The following PRKAR2B variants were observed in gnomAD, a reference collection of about 807,000 sequenced individuals.
PRKAR2B encodes the protein cAMP-dependent protein kinase type II-beta regulatory subunit.
In PRKAR2B, 14 loss-of-function variants were observed where a neutral mutation model predicts 49.9. The observed-to-expected ratio is 0.28, with a 90% CI of 0.19 to 0.44. The LOEUF (loss-of-function observed/expected upper bound fraction) is 0.44, where lower values mean the gene tolerates loss of function less well. Ranked by LOEUF, PRKAR2B falls within the 20% of genes least tolerant of loss-of-function variation. The pLI, the probability that PRKAR2B is intolerant of heterozygous loss-of-function variation, is 1.00. For synonymous variants in PRKAR2B, 196 were observed against 197.7 expected (o/e 0.99, Z 0.07); for missense variants, 393 against 537.9 (o/e 0.73, Z 2.67).
At position 107,149,758 on chromosome 7, in the gene PRKAR2B, T is replaced by C. The variant is rs186002446; in HGVS notation, c.742-1164T>C. ...CTAGTTCATTTAAATTCAGCCTTATTATGTTGGCATAAGAAAGAATGAATA... is the reference window on the plus strand; with the variant it reads ...CTAGTTCATTTAAATTCAGCCTTATCATGTTGGCATAAGAAAGAATGAATA... On this transcript the variant is annotated intron_variant, in intron 6 of 10. Transcript: ENST00000265717. Among the ~76,000 whole-genome samples the C allele has an allele frequency of 8.3e-3, 1,259 of 152,270 alleles. 24 individuals are homozygous for C. The highest frequency in any genetic ancestry group is 0.027 in the African/African-American group (1,142 of 41,544).
intron 4 of PRKAR2B, among the ~76,000 whole-genome samples, chr7:107,137,590 A>C (rs150469409): frequency 6.6e-6 from 1 of 152,212 alleles, no homozygotes; most frequent in Non-Finnish European, 1.5e-5. Flanking sequence ...GTGGAAGATC[A>C]TGCATATCTA....
chr7:107,105,655 C>T (rs1219940626), intron 2 of PRKAR2B, among the ~76,000 whole-genome samples: 2 of 152,150 alleles, frequency 1.3e-5, no homozygotes, highest in African/African-American at 4.8e-5. Context: ...AACCTTGGGG[C>T]CTATCAGTCC....
At chr7:107,117,210 A>G (rs1299971679) in intron 2 of PRKAR2B, among the ~76,000 whole-genome samples, 4 of 152,108 alleles carry the variant, frequency 2.6e-5, no homozygotes, top group Non-Finnish European at 4.4e-5. Flanking sequence ...CATGCCTTCA[A>G]CTAATATTTG....
chr7:107,073,279 C>T (rs1049616713), intron 2 of PRKAR2B, among the ~76,000 whole-genome samples: 11 of 152,064 alleles, frequency 7.2e-5, no homozygotes, highest in Admixed American at 3.9e-4. Context: ...TATTTTTACA[C>T]TTTTAAGAAC....
chr7:107,070,371 A>C, intron 2 of PRKAR2B, 55 bp downstream of exon 2: 1 of 1,418,308 alleles, frequency 7.1e-7, no homozygotes, highest in East Asian at 2.3e-5. Context: ...TTAAAAAATG[A>C]TAATATTGGA....
chr7:107,137,833 ATCC>A (rs771103047), intron 4 of PRKAR2B, among the ~76,000 whole-genome samples: 7 of 151,986 alleles, frequency 4.6e-5, no homozygotes, highest in East Asian at 1.9e-4. Flanking sequence ...GTTTTTAAGA[ATCC>A]TCCTTTCTCT....
At position 107,125,306 on chromosome 7, in the gene PRKAR2B, T is replaced by G. The variant is rs570821904; in HGVS notation, c.397-2906T>G. 1.1e-4 allele frequency among the ~76,000 whole-genome samples: 16 copies of G among 152,350 alleles called. No individual in the cohort carries two copies. In the East Asian group the frequency reaches 2.7e-3, roughly 26 times the overall value. On this transcript the variant is annotated intron_variant, in intron 3 of 10. Coordinates refer to ENST00000265717, the MANE Select transcript of PRKAR2B (RefSeq NM_002736.3). ...TTCCTTAACTCTAAATTTCTTAACCTGCTTCATGGGATCTGTCACTAGGAT... is the reference window on the plus strand; with the variant it reads ...TTCCTTAACTCTAAATTTCTTAACCGGCTTCATGGGATCTGTCACTAGGAT...
chr7:107,044,997 G>A lies in PRKAR2B; in HGVS notation c.90G>A (p.Glu30=). Residue 30 remains glutamate, a synonymous_variant, in exon 1 of 11, where the codon GAG becomes GAA. Coordinates refer to ENST00000265717, the MANE Select transcript of PRKAR2B (RefSeq NM_002736.3). ...VLRHQPADLL[E]FALQHFTRLQ... ...GGCACCAGCCCGCGGACCTGCTGGA[G>A]TTCGCGCTGCAGCACTTCACCCGCC... is the stretch of plus-strand genomic sequence containing the variant. 1 of 1,557,296 alleles carries A rather than the reference G, an allele frequency of 6.4e-7. No homozygotes were observed. Among genetic ancestry groups the A allele is most frequent in the Non-Finnish European group, 8.7e-7 (1 of 1,153,404 alleles).
At chr7:107,147,124 C>A (rs1487029926) in intron 6 of PRKAR2B, among the ~76,000 whole-genome samples, 1 of 151,964 alleles carries the variant, frequency 6.6e-6, no homozygotes, top group Non-Finnish European at 1.5e-5. Flanking sequence ...GAGATCGAGA[C>A]CACGGTGAAA....
intron 3 of PRKAR2B, among the ~76,000 whole-genome samples, chr7:107,127,391 A>G (rs185917293): frequency 6.6e-6 from 1 of 152,342 alleles, no homozygotes; most frequent in African/African-American, 2.4e-5. Flanking sequence ...CATGTTCACA[A>G]AAGAGTGGAC....
chr7:107,080,239 C>G (rs1245728777), intron 2 of PRKAR2B, among the ~76,000 whole-genome samples: 2 of 152,108 alleles, frequency 1.3e-5, no homozygotes, highest in African/African-American at 2.4e-5. Flanking sequence ...CGTGCCCTCA[C>G]TATCTTTCAG....
chr7:107,070,129 C>A, intron 1 of PRKAR2B, 152 bp from the exon 2 acceptor site: 1 of 498,586 alleles, frequency 2.0e-6, no homozygotes, highest in Non-Finnish European at 3.5e-6. Context: ...TGAATTTCAG[C>A]ATTTAATTTT....
At chr7:107,110,030 G>C (rs956735468) in intron 2 of PRKAR2B, among the ~76,000 whole-genome samples, 8 of 152,144 alleles carry the variant, frequency 5.3e-5, no homozygotes, top group African/African-American at 1.7e-4. Flanking sequence ...AGACAGTCTT[G>C]GGTTACCAGC....
chr7:107,092,689 A>C (rs912774826), intron 2 of PRKAR2B, among the ~76,000 whole-genome samples: 5 of 152,060 alleles, frequency 3.3e-5, no homozygotes, highest in Non-Finnish European at 5.9e-5. Context: ...AAATTTAAAA[A>C]ATTTATCTAT....
At chr7:107,103,272 CT>C in intron 2 of PRKAR2B, among the ~76,000 whole-genome samples, 1 of 152,118 alleles carries the variant, frequency 6.6e-6, no homozygotes, top group South Asian at 2.1e-4. Flanking sequence ...AACTGAGAAC[CT>C]TATTTCTAAT....
intron 6 of PRKAR2B, among the ~76,000 whole-genome samples, chr7:107,147,517 G>T (rs959777314): frequency 6.6e-6 from 1 of 152,194 alleles, no homozygotes; most frequent in African/African-American, 2.4e-5. Flanking sequence ...CCTTCTGGAG[G>T]ATTGTATTTA....
At chr7:107,109,387 G>A (rs376103762) in intron 2 of PRKAR2B, among the ~76,000 whole-genome samples, 13 of 151,052 alleles carry the variant, frequency 8.6e-5, no homozygotes, top group African/African-American at 2.9e-4. Flanking sequence ...AGGCTCCCAA[G>A]TAGCTGGGAC....
At chr7:107,104,564 T>C (rs1410169413) in intron 2 of PRKAR2B, among the ~76,000 whole-genome samples, 1 of 152,150 alleles carries the variant, frequency 6.6e-6, no homozygotes, top group Non-Finnish European at 1.5e-5. Flanking sequence ...TCCTCCCTAG[T>C]AACGCTGAAA....
chr7:107,049,602 T>G (rs571339937), intron 1 of PRKAR2B, among the ~76,000 whole-genome samples: 1 of 152,312 alleles, frequency 6.6e-6, no homozygotes. Flanking sequence ...ATATAAAATC[T>G]TACAGAGTTA....
Sources: gnomAD v4.1 joint callset for allele counts (sites outside exome capture counted in the v4.1 genomes callset) on GRCh38, gnomAD v4.1.1 for gene constraint, MANE v1.5 for transcripts, NCBI Gene and HGNC (gene_info 2026-07-23, HGNC 2026-07-21) for gene names.